Variants in DOCK8 observed in about 807,000 individuals in gnomAD.
DOCK8 encodes the protein dedicator of cytokinesis 8, also known as dedicator of cytokinesis protein 8.
Under a neutral mutation model 245.6 loss-of-function variants are expected in DOCK8, and 141 were observed. The ratio of observed to expected loss-of-function variants is 0.57; its 90% confidence interval spans 0.50 to 0.66. The LOEUF (loss-of-function observed/expected upper bound fraction) is 0.66. DOCK8 is among the 30% of genes least tolerant of loss of function. The pLI is 0.00. For synonymous variants in DOCK8, 1,168 were observed against 970.2 expected (o/e 1.20, Z -3.79); for missense variants, 2,965 against 2,603.4 (o/e 1.14, Z -3.02).
intron 4 of DOCK8, among the ~76,000 whole-genome samples, chr9:296,822 G>C (rs1034037842): frequency 4.6e-5 from 7 of 152,120 alleles, no homozygotes; most frequent in Non-Finnish European, 7.4e-5. Context: ...AGCCACTCTT[G>C]ACCTGTTGTG....
At chr9:450,029 A>G (rs775562677) in intron 45 of DOCK8, 102 bp downstream of exon 45, 450 of 1,300,444 alleles carry the variant, frequency 3.5e-4, no homozygotes, top group Non-Finnish European at 4.6e-4. Flanking sequence ...ACTTTGATCC[A>G]TAGACAAACA....
At chr9:365,106 C>T (rs1001834164) in intron 14 of DOCK8, among the ~76,000 whole-genome samples, 9 of 152,208 alleles carry the variant, frequency 5.9e-5, no homozygotes, top group African/African-American at 2.2e-4. Context: ...AGGGCAAGGT[C>T]ATGTAGGACC....
chr9:415,700 A>G (rs200880774), intron 29 of DOCK8, among the ~76,000 whole-genome samples: 1 of 112,964 alleles, frequency 8.9e-6, no homozygotes, highest in African/African-American at 3.9e-5. Context: ...GTGCACACAC[A>G]CACACACACA....
chr9:314,760 A>C (rs1442291280), intron 6 of DOCK8, among the ~76,000 whole-genome samples: 1 of 152,104 alleles, frequency 6.6e-6, no homozygotes, highest in Non-Finnish European at 1.5e-5. Context: ...ATTTCTGCCT[A>C]CTCTGACATG....
At chr9:335,299 A>G (rs1467924480) in intron 11 of DOCK8, among the ~76,000 whole-genome samples, 1 of 152,186 alleles carries the variant, frequency 6.6e-6, no homozygotes, top group African/African-American at 2.4e-5. Context: ...GCAAATTTTC[A>G]AGTAGACCTG....
chr9:464,249 G>T lies in DOCK8; in HGVS notation c.*30G>T, dbSNP rs2057904184. Reference sequence around the variant, plus strand: ...AGCCATCTTCATTCGTGGAGACTGTGGCCCTGCAACCCTGGAGAAGGACTT... The same window carrying T: ...AGCCATCTTCATTCGTGGAGACTGTTGCCCTGCAACCCTGGAGAAGGACTT... On this transcript the variant is annotated 3_prime_UTR_variant, in exon 48 of 48. Transcript: ENST00000432829. 6.3e-7 allele frequency: 1 copy of T among 1,596,882 alleles called. No homozygotes were observed. The highest frequency in any genetic ancestry group is 1.7e-5 in the Admixed American group (1 of 60,006).
chr9:301,021 C>T (rs182809966), intron 4 of DOCK8, among the ~76,000 whole-genome samples: 35 of 152,326 alleles, frequency 2.3e-4, no homozygotes, highest in African/African-American at 7.2e-4. Context: ...GATACCAAAA[C>T]CTGGGAGAGA....
intron 1 of DOCK8, chr9:268,169 T>G (rs1259052941): frequency 1.3e-5 from 2 of 152,234 alleles, no homozygotes; most frequent in African/African-American, 4.8e-5. Context: ...GAAGCAATTC[T>G]TTTCCACGTG....
At chr9:399,987 TCCCACCACCTCCACCA>T (rs2054675664) in intron 26 of DOCK8, among the ~76,000 whole-genome samples, 4 of 90,792 alleles carry the variant, frequency 4.4e-5, no homozygotes, top group African/African-American at 1.1e-4. Flanking sequence ...CATCACCACC[TCCCACCACCTCCACCA>T]CCTCCACCAT....
chr9:432,217 G>C lies in DOCK8; in HGVS notation c.4678G>C (p.Gly1560Arg). The change falls in exon 37 of 48, where the codon GGA becomes CGA. Residue 1560 changes from glycine to arginine, a missense_variant. This residue lies in a region of DOCK8 where 2,825 missense variants were observed against 2,453.5 expected (regional missense o/e 1.15). Transcript: ENST00000432829. ...AACCATGTCCCTGGCATCTTTGGTG[G>C]GAAGAGCACCAGACTTTAATGAAGA... is the stretch of plus-strand genomic sequence containing the variant. ...QVTMSLASLV[G>R]RAPDFNEEHL... 1 of 1,613,604 alleles carries C rather than the reference G, an allele frequency of 6.2e-7. No homozygotes were observed. Among genetic ancestry groups the C allele is most frequent in the Non-Finnish European group, 8.5e-7 (1 of 1,179,942 alleles).
At chr9:282,480 G>A (rs1327159474) in intron 2 of DOCK8, among the ~76,000 whole-genome samples, 1 of 143,670 alleles carries the variant, frequency 7.0e-6, no homozygotes, top group African/African-American at 2.6e-5. Flanking sequence ...GTGCAGTGAT[G>A]TGATCACAGC....
chr9:440,050 G>A (rs941512293), intron 40 of DOCK8, among the ~76,000 whole-genome samples: 1 of 152,086 alleles, frequency 6.6e-6, no homozygotes, highest in Non-Finnish European at 1.5e-5. Flanking sequence ...ACAGAGTCTA[G>A]CTCTGTCGCC....
At chr9:426,614 C>G (rs1190566870) in intron 33 of DOCK8, among the ~76,000 whole-genome samples, 9 of 152,202 alleles carry the variant, frequency 5.9e-5, no homozygotes, top group South Asian at 2.1e-4. Context: ...AACTGCTTCT[C>G]TACCCATAGT....
At chr9:342,395 T>A (rs2051648976) in intron 14 of DOCK8, among the ~76,000 whole-genome samples, 1 of 152,028 alleles carries the variant, frequency 6.6e-6, no homozygotes. Context: ...ATGGGAACTT[T>A]TTAATGGCTT....
Position 286,449 on chromosome 9 carries a change from C to T in DOCK8, c.157-12C>T. 6.2e-7 allele frequency: 1 copy of T among 1,613,350 alleles called. No homozygotes were observed. Among genetic ancestry groups the T allele is most frequent in the Non-Finnish European group, 8.5e-7 (1 of 1,179,716 alleles). On this transcript the variant is annotated splice_polypyrimidine_tract_variant and intron_variant, in intron 2 of 47. Coordinates refer to ENST00000432829, the MANE Select transcript of DOCK8 (RefSeq NM_203447.4). Reference sequence around the variant, plus strand: ...GGTGAGAACCTCCTTTTCCTTTTCCCTGCCCCTCCAGCCTCAGTTTTATGA... The same window carrying T: ...GGTGAGAACCTCCTTTTCCTTTTCCTTGCCCCTCCAGCCTCAGTTTTATGA...
chr9:355,337 G>A (rs55787754), intron 14 of DOCK8, among the ~76,000 whole-genome samples: 4,928 of 151,716 alleles, frequency 0.032, 289 homozygotes, highest in African/African-American at 0.11. Flanking sequence ...CTGAATAGCT[G>A]GGATTACAGG....
chr9:403,159 G>T (rs1416770709), intron 26 of DOCK8, among the ~76,000 whole-genome samples: 4 of 152,212 alleles, frequency 2.6e-5, no homozygotes, highest in Non-Finnish European at 4.4e-5. Context: ...GAAGTGCTGG[G>T]ATTACAGGTG....
At chr9:338,676 C>T (rs1372011545) in intron 12 of DOCK8, among the ~76,000 whole-genome samples, 1 of 151,876 alleles carries the variant, frequency 6.6e-6, no homozygotes, top group Admixed American at 6.6e-5. Flanking sequence ...CTGTATTGTT[C>T]CGGGGGGTAA....
chr9:393,085 CAAAAAAA>C (rs1159933739), intron 24 of DOCK8, among the ~76,000 whole-genome samples: 1,120 of 44,664 alleles, frequency 0.025, 6 homozygotes, highest in Non-Finnish European at 0.039. Context: ...GACCCTGTCT[CAAAAAAA>C]AAAAAAAAAA....
Sources: allele counts gnomAD v4.1 joint callset (sites outside exome capture counted in the v4.1 genomes callset), GRCh38; gene constraint gnomAD v4.1.1; regional missense constraint gnomAD v4.1.1; transcripts MANE v1.5; gene names NCBI Gene and HGNC (gene_info 2026-07-23, HGNC 2026-07-21).